The following CMIP variants were observed in gnomAD, a reference collection of about 807,000 sequenced individuals.
CMIP encodes the protein c-Maf inducing protein, also known as C-Maf-inducing protein.
A neutral mutation model predicts 97.3 loss-of-function variants in CMIP; 13 were observed. The ratio of observed to expected loss-of-function variants is 0.13; its 90% confidence interval spans 0.09 to 0.21. The LOEUF (loss-of-function observed/expected upper bound fraction) is 0.21. Among genes scored for constraint, CMIP ranks in the 10% least tolerant of loss-of-function variants. The pLI is 1.00. For missense variants in CMIP, 847 were observed against 1,024.9 expected, an observed-to-expected ratio of 0.83 and a Z score of 2.37; for synonymous variants, 538 against 436.3, an observed-to-expected ratio of 1.23 and a Z score of -2.91.
intron 3 of CMIP, among the ~76,000 whole-genome samples, chr16:81,635,636 A>G (rs75728341): frequency 1.3e-5 from 2 of 152,236 alleles, no homozygotes; most frequent in East Asian, 1.9e-4. Context: ...GTCTGCTGCC[A>G]GACAAATATA....
At chr16:81,491,974 T>C (rs2089413959) in intron 1 of CMIP, among the ~76,000 whole-genome samples, 1 of 152,222 alleles carries the variant, frequency 6.6e-6, no homozygotes, top group Non-Finnish European at 1.5e-5. Context: ...GTCACACCAT[T>C]TTTCATGAAA....
intron 1 of CMIP, among the ~76,000 whole-genome samples, chr16:81,470,115 A>G (rs1477683665): frequency 6.6e-6 from 1 of 152,230 alleles, no homozygotes; most frequent in Non-Finnish European, 1.5e-5. Flanking sequence ...CAACCTTCAG[A>G]TTTATCAGAC....
chr16:81,646,445 C>T (rs2092365708), intron 3 of CMIP, among the ~76,000 whole-genome samples: 1 of 152,160 alleles, frequency 6.6e-6, no homozygotes. Flanking sequence ...TGTCTGATGA[C>T]TACCTCCCTA....
chr16:81,454,253 A>G lies in CMIP; in HGVS notation c.300+8712A>G, dbSNP rs562589963. On this transcript the variant is annotated intron_variant, in intron 1 of 20. Transcript: ENST00000537098. ...GCACAGTGCTCATTTAATTTTCACA[A>G]CAATCCTGTGGGGTAGGTGTTTATT... 8.5e-4 allele frequency among the ~76,000 whole-genome samples: 130 copies of G among 152,278 alleles called. 1 individual carries two copies. The highest frequency in any genetic ancestry group is 1.3e-3 in the Non-Finnish European group (90 of 68,020).
At chr16:81,450,363 T>A (rs924734133) in intron 1 of CMIP, among the ~76,000 whole-genome samples, 1 of 152,164 alleles carries the variant, frequency 6.6e-6, no homozygotes, top group East Asian at 1.9e-4. Context: ...GGATCTGGAT[T>A]TGAAGGGTGC....
chr16:81,664,149 T>C, intron 6 of CMIP, 120 bp from the exon 7 acceptor site: 1 of 814,166 alleles, frequency 1.2e-6, no homozygotes. Flanking sequence ...TGCAGCCGTG[T>C]TCATCAAGGG....
intron 1 of CMIP, among the ~76,000 whole-genome samples, chr16:81,504,618 C>T (rs187276349): frequency 1.3e-3 from 155 of 121,498 alleles, no homozygotes; most frequent in African/African-American, 4.8e-3. Context: ...ACTCCAGCCT[C>T]GGCGACAGAG....
At chr16:81,630,851 G>A (rs2092147391) in intron 3 of CMIP, 1 of 152,364 alleles carries the variant, frequency 6.6e-6, no homozygotes, top group South Asian at 2.1e-4. Flanking sequence ...CCAGAGGCAG[G>A]GGGCCCAGCC....
At position 81,709,811 on chromosome 16, in the gene CMIP, C is replaced by G. The variant is rs753684997; in HGVS notation, c.*12C>G. On this transcript the variant is annotated 3_prime_UTR_variant, in exon 21 of 21. Coordinates refer to ENST00000537098, the MANE Select transcript of CMIP (RefSeq NM_198390.3). ...CCGAAGCCTGGTGAAGCTCCCAGCT[C>G]AAGGCAGGAAGACGTTTGCAACCGC... 3.1e-6 allele frequency: 5 copies of G among 1,613,632 alleles called. No homozygotes were observed. The highest frequency in any genetic ancestry group is 1.3e-5 in the African/African-American group (1 of 74,910).
At chr16:81,596,967 A>G (rs955184388) in intron 1 of CMIP, among the ~76,000 whole-genome samples, 3 of 152,142 alleles carry the variant, frequency 2.0e-5, no homozygotes, top group Non-Finnish European at 4.4e-5. Context: ...TAGGTCATCT[A>G]TGTGTTGTGC....
chr16:81,463,471 G>A (rs575435550), intron 1 of CMIP, among the ~76,000 whole-genome samples: 45 of 152,302 alleles, frequency 3.0e-4, no homozygotes, highest in African/African-American at 9.9e-4. Context: ...TACGTTTGGC[G>A]GGACGGCGGT....
At chr16:81,668,972 C>T (rs1244666915) in intron 7 of CMIP, among the ~76,000 whole-genome samples, 1 of 147,080 alleles carries the variant, frequency 6.8e-6, no homozygotes. Context: ...ACCTCACACT[C>T]CTTCCACACC....
chr16:81,504,687 C>G (rs1194324655), intron 1 of CMIP, among the ~76,000 whole-genome samples: 1 of 146,866 alleles, frequency 6.8e-6, no homozygotes, highest in African/African-American at 2.5e-5. Flanking sequence ...GAAAAAATGG[C>G]CGGTGGGCCT....
intron 1 of CMIP, among the ~76,000 whole-genome samples, chr16:81,561,992 C>A (rs12925699): frequency 0.39 from 59,708 of 151,910 alleles, 13,265 homozygotes; most frequent in Non-Finnish European, 0.49. Flanking sequence ...ATAAATACCT[C>A]GGGCAGAGGA....
intron 2 of CMIP, chr16:81,617,356 G>A (rs4611450): frequency 0.31 from 47,565 of 152,128 alleles, 7,866 homozygotes; most frequent in East Asian, 0.57. Context: ...GTGCAGGAAG[G>A]TGCAGGGCAG....
In CMIP at chr16:81,703,901, C is replaced by T; in HGVS notation, c.1945-38C>T. ...GAGGGCTCAGGGTCTCGGGAACTCC[C>T]AGCAGCACCCTCAGGCCTCTCCCCC... On this transcript the variant is annotated intron_variant, in intron 17 of 20. Coordinates refer to ENST00000537098, the MANE Select transcript of CMIP (RefSeq NM_198390.3). 2.5e-6 allele frequency: 4 copies of T among 1,572,244 alleles called. No individual in the cohort carries two copies. The Admixed American group carries it at 5.3e-5, about 21-fold the overall frequency.
chr16:81,458,196 A>C (rs1157016863), intron 1 of CMIP, among the ~76,000 whole-genome samples: 1 of 152,138 alleles, frequency 6.6e-6, no homozygotes, highest in Non-Finnish European at 1.5e-5. Context: ...CCTCTTCTAA[A>C]GAGGCCTTCA....
At chr16:81,550,781 C>G (rs938890728) in intron 1 of CMIP, among the ~76,000 whole-genome samples, 3 of 152,058 alleles carry the variant, frequency 2.0e-5, no homozygotes, top group Non-Finnish European at 1.5e-5. Flanking sequence ...CACATAGATT[C>G]TCCTTACACC....
At chr16:81,583,043 G>A (rs942226639) in intron 1 of CMIP, among the ~76,000 whole-genome samples, 1 of 152,198 alleles carries the variant, frequency 6.6e-6, no homozygotes. Flanking sequence ...AGGAAAGAAG[G>A]AGTGTTTCTA....
Sources: gnomAD v4.1 joint callset for allele counts (sites outside exome capture counted in the v4.1 genomes callset) on GRCh38, gnomAD v4.1.1 for gene constraint, MANE v1.5 for transcripts, NCBI Gene and HGNC (gene_info 2026-07-23, HGNC 2026-07-21) for gene names.